EVI5: variants seen among roughly 807,000 people sequenced by gnomAD.
The protein encoded by EVI5 is ecotropic viral integration site 5 protein homolog.
Under a neutral mutation model 112.0 loss-of-function variants are expected in EVI5, and 73 were observed. The observed-to-expected ratio is 0.65, with a 90% CI of 0.54 to 0.79. The LOEUF (loss-of-function observed/expected upper bound fraction) is 0.79, where lower values mean the gene tolerates loss of function less well. EVI5 is among the 30% of genes least tolerant of loss of function. EVI5 has a pLI of 0.00. For missense variants in EVI5, 900 were observed against 968.8 expected (o/e 0.93, Z 0.94); for synonymous variants, 305 against 319.9 (o/e 0.95, Z 0.50).
intron 1 of EVI5, among the ~76,000 whole-genome samples, chr1:92,775,001 G>GT (rs1250551479): frequency 2.0e-5 from 3 of 152,140 alleles, no homozygotes; most frequent in Admixed American, 6.5e-5. Flanking sequence ...AAGGACTATC[G>GT]TAACACCATG....
chr1:92,757,932 T>C (rs1346533380), intron 1 of EVI5, among the ~76,000 whole-genome samples: 2 of 96,492 alleles, frequency 2.1e-5, no homozygotes, highest in Non-Finnish European at 4.3e-5. Context: ...AAAAAAAAAA[T>C]CACAGAATTA....
chr1:92,790,791 T>C (rs1686039416), intron 1 of EVI5, among the ~76,000 whole-genome samples: 1 of 150,078 alleles, frequency 6.7e-6, no homozygotes, highest in Admixed American at 6.7e-5. Flanking sequence ...TGCACTGCAC[T>C]GCACCCTGGG....
chr1:92,527,544 T>A (rs1662132362), intron 19 of EVI5, among the ~76,000 whole-genome samples: 1 of 152,036 alleles, frequency 6.6e-6, no homozygotes, highest in African/African-American at 2.4e-5. Flanking sequence ...TTGGTAAAAT[T>A]TTACTTACAT....
chr1:92,744,950 T>C (rs1279912084), intron 1 of EVI5, among the ~76,000 whole-genome samples: 1 of 152,108 alleles, frequency 6.6e-6, no homozygotes, highest in African/African-American at 2.4e-5. Flanking sequence ...TTTTTCTCTT[T>C]TTTGAGACAG....
chr1:92,565,950 A>AAAAAAAAAAAAAAAAAAAAAAAC (rs1557801297), intron 18 of EVI5, among the ~76,000 whole-genome samples: 1 of 143,562 alleles, frequency 7.0e-6, no homozygotes, highest in African/African-American at 2.7e-5. Context: ...AGCCCGAGCA[A>AAAAAAAAAAAAAAAAAAAAAAAC]AAAAAAAAAA....
At chr1:92,677,380 A>G (rs574266129) in intron 9 of EVI5, among the ~76,000 whole-genome samples, 162 bp from the exon 10 acceptor site, 1 of 152,372 alleles carries the variant, frequency 6.6e-6, no homozygotes, top group South Asian at 2.1e-4. Context: ...ATGTGGCTTC[A>G]TGAGTTCTTA....
At chr1:92,711,667 G>A (rs777525502) in intron 2 of EVI5, among the ~76,000 whole-genome samples, 24 of 152,128 alleles carry the variant, frequency 1.6e-4, no homozygotes, top group Non-Finnish European at 2.8e-4. Context: ...AAAAAAGGCA[G>A]AGAGATTTAT....
intron 14 of EVI5, among the ~76,000 whole-genome samples, chr1:92,634,306 T>G (rs990946548): frequency 2.0e-5 from 3 of 152,230 alleles, no homozygotes; most frequent in Non-Finnish European, 4.4e-5. Context: ...CCCGTCACTT[T>G]CAGGTACACC....
In EVI5 at chr1:92,662,161, C is replaced by T. The variant is rs955023023; in HGVS notation, c.1392+558G>A. 6.6e-5 allele frequency among the ~76,000 whole-genome samples: 10 copies of T among 152,254 alleles called. 1 individual carries two copies. The highest frequency in any genetic ancestry group is 3.9e-4 in the Admixed American group (6 of 15,274). ...TAATTTTTAAAGGGTTAATCTTTTT[C>T]ATCTTTGCAACTTCTCTCCCTTTGA... On this transcript the variant is annotated intron_variant, in intron 13 of 19. Coordinates refer to ENST00000684568, the MANE Select transcript of EVI5 (RefSeq NM_001350197.2).
At chr1:92,580,636 T>G (rs1473703792) in intron 18 of EVI5, 1 of 66,620 alleles carries the variant, frequency 1.5e-5, no homozygotes, top group Non-Finnish European at 3.1e-5. Context: ...AGTTGAATTT[T>G]GTGTTTTATC....
At chr1:92,754,995 TAAA>T (rs1362091415) in intron 1 of EVI5, among the ~76,000 whole-genome samples, 5 of 151,128 alleles carry the variant, frequency 3.3e-5, no homozygotes, top group African/African-American at 4.9e-5. Flanking sequence ...TGTTATATCT[TAAA>T]GAAGATGGGG....
intron 2 of EVI5, among the ~76,000 whole-genome samples, chr1:92,716,070 A>G (rs565806997): frequency 5.9e-5 from 9 of 152,264 alleles, no homozygotes; most frequent in Non-Finnish European, 1.0e-4. Flanking sequence ...ACTTCCACAG[A>G]CTTAAATATT....
rs1432509563 is a variant in EVI5, at chr1:92,736,453, A to G, written c.94T>C (p.Ser32Pro). Residue 32 changes from serine to proline, a missense_variant, in exon 2 of 20, where the codon TCA (serine) becomes CCA (proline). Coordinates refer to ENST00000684568, the MANE Select transcript of EVI5 (RefSeq NM_001350197.2). The part of the protein sequence containing the change: ...STPALSPSSP[S>P]QLSPDDLELL... ...TCTAAGTCGTCTGGACTCAACTGTG[A>G]TGGGGAAGATGGTGAAAGGGCTGGT... 3.1e-6 allele frequency: 5 copies of G among 1,613,852 alleles called. No individual in the cohort carries two copies. The highest frequency in any genetic ancestry group is 1.7e-6 in the Non-Finnish European group (2 of 1,179,926).
intron 18 of EVI5, among the ~76,000 whole-genome samples, chr1:92,597,828 G>A (rs1648256364): frequency 6.6e-6 from 1 of 152,226 alleles, no homozygotes; most frequent in African/African-American, 2.4e-5. Flanking sequence ...GGAGGCCCAG[G>A]TGGGCAGATC....
In EVI5 at chr1:92,510,349, CCTTT is replaced by C. The variant is rs1297611282; in HGVS notation, c.*3303_*3306del. ...CAGTGATGGGATTCTGGAGTTCTTT[CCTTT>C]CTTTCTCCTTCTCCAAAGATACAGA... On this transcript the variant is annotated 3_prime_UTR_variant, in exon 20 of 20. Coordinates refer to ENST00000684568, the MANE Select transcript of EVI5 (RefSeq NM_001350197.2). The C allele has an allele frequency of 6.6e-6, 1 of 152,160 alleles. No individual in the cohort carries two copies. Among genetic ancestry groups the C allele is most frequent in the Non-Finnish European group, 1.5e-5 (1 of 68,030 alleles). 9.4% of individuals were successfully genotyped at this position (152,160 alleles called of 1,614,324 possible).
rs374514734 is a variant in EVI5 at position 92,625,831 on chromosome 1, A to G, written c.1631T>C (p.Leu544Pro). 1 of 1,613,226 alleles carries G rather than the reference A, an allele frequency of 6.2e-7. No individual in the cohort carries two copies. Among genetic ancestry groups the G allele is most frequent in the Non-Finnish European group, 8.5e-7 (1 of 1,179,352 alleles). Residue 544 changes from leucine (L) to proline (P), a missense_variant, in exon 15 of 20, where the codon CTT becomes CCT. Physicochemically the swap from Leu to Pro is moderately conservative, Grantham distance 98. Coordinates refer to ENST00000684568, the MANE Select transcript of EVI5 (RefSeq NM_001350197.2). The part of the protein sequence containing the change: ...EAEAIMGLKE[L>P]RQQVKDLEEH... ...CTCTAAATCCTTGACTTGCTGTCTA[A>G]GTTCTTTCAAACCCATAATGGCTTC...
intron 1 of EVI5, among the ~76,000 whole-genome samples, chr1:92,762,337 T>C (rs1409146536): frequency 6.6e-6 from 1 of 152,202 alleles, no homozygotes; most frequent in African/African-American, 2.4e-5. Context: ...ATATGCTTTA[T>C]TATGAGCCAG....
intron 19 of EVI5, among the ~76,000 whole-genome samples, chr1:92,532,601 C>T (rs1362975674): frequency 1.3e-5 from 2 of 152,182 alleles, no homozygotes; most frequent in Non-Finnish European, 2.9e-5. Flanking sequence ...GACCACAGTG[C>T]AATCAAATTA....
Position 92,749,417 on chromosome 1 carries a change from T to C in EVI5, c.-81-12790A>G, listed in dbSNP as rs540561194. On this transcript the variant is annotated intron_variant, in intron 1 of 19. Transcript: ENST00000684568. ...GGCATTCAGAAGCTTTTAATATGGA[T>C]ACTCTAGCACATCTTTAATAATATA... 183 of 162,426 alleles carry C rather than the reference T, an allele frequency of 1.1e-3. 2 individuals are homozygous for C. The East Asian group carries it at 0.013, about 12-fold the overall frequency. 10.1% of individuals were successfully genotyped at this position (162,426 alleles called of 1,614,324 possible).
Sources: allele counts gnomAD v4.1 joint callset (sites outside exome capture counted in the v4.1 genomes callset), GRCh38; gene constraint gnomAD v4.1.1; transcripts MANE v1.5; gene names NCBI Gene and HGNC (gene_info 2026-07-23, HGNC 2026-07-21).